MROH2A: variants seen among roughly 807,000 people sequenced by gnomAD.
MROH2A encodes maestro heat like repeat family member 2A.
MROH2A carries 174 observed loss-of-function variants against 200.4 expected under a neutral mutation model. The observed-to-expected ratio is 0.87, with a 90% confidence interval of 0.77 to 0.98. MROH2A has a LOEUF of 0.98. Among genes scored for constraint, MROH2A ranks in the 50% least tolerant of loss-of-function variants. MROH2A has a pLI of 0.00. For missense variants in MROH2A, 2,045 were observed against 2,139.6 expected (o/e 0.96, Z 0.87); for synonymous variants, 829 against 840.4 (o/e 0.99, Z 0.23).
chr2:233,814,498 CCTCCCTGGCATGAA>C, intron 25 of MROH2A, 70 bp from the exon 26 acceptor site: 4 of 910,798 alleles, frequency 4.4e-6, no homozygotes, highest in Non-Finnish European at 6.9e-6. Flanking sequence ...CTGCCAGACC[CCTCCCTGGCATGAA>C]CTCCCTGCAG....
At chr2:233,799,347 TG>T (rs1702312423) in intron 12 of MROH2A, among the ~76,000 whole-genome samples, 1 of 151,990 alleles carries the variant, frequency 6.6e-6, no homozygotes, top group African/African-American at 2.4e-5. Flanking sequence ...AGAGAGGGAA[TG>T]GAGGAGAATG....
rs1251182713 is a variant in MROH2A, at chr2:233,790,916, A to G, written c.571+902A>G. On this transcript the variant is annotated intron_variant, in intron 5 of 41. Coordinates refer to ENST00000389758, the MANE Select transcript of MROH2A (RefSeq NM_001394639.1). ...CCAAATGGGCGTTTGAGATCTGGCT[A>G]AGGGAGGGGACCTCATCTCTGCAGC... 3.9e-5 allele frequency among the ~76,000 whole-genome samples: 6 copies of G among 152,146 alleles called. No individual in the cohort carries two copies. The East Asian group carries it at 1.2e-3, about 29-fold the overall frequency.
chr2:233,799,979 C>A, intron 13 of MROH2A, 80 bp downstream of exon 13: 1 of 1,523,760 alleles, frequency 6.6e-7, no homozygotes, highest in South Asian at 1.2e-5. Context: ...GAATGCCACT[C>A]AGCGTACCTG....
At chr2:233,776,689 C>T (rs1397550740), upstream of MROH2A, among the ~76,000 whole-genome samples, 1 of 152,166 alleles carries the variant, frequency 6.6e-6, no homozygotes, top group Non-Finnish European at 1.5e-5. Flanking sequence ...ATGGCTTACA[C>T]ACTCGACCTG....
chr2:233,819,755 G>C lies in MROH2A; in HGVS notation c.3358-147G>C, dbSNP rs1703806084. 4 of 902,936 alleles carry C rather than the reference G, an allele frequency of 4.4e-6. No homozygotes were observed. In the South Asian group the frequency reaches 5.4e-5, roughly 12 times the overall value. 55.9% of individuals were successfully genotyped at this position (902,936 alleles called of 1,614,324 possible). On this transcript the variant is annotated intron_variant, in intron 30 of 41. Coordinates refer to ENST00000389758, the MANE Select transcript of MROH2A (RefSeq NM_001394639.1). Reference sequence around the variant, plus strand: ...GAAAATGAGTTTGAGGCAGAGACCAGAGGATGCACTAGAGAGGGTGCTGGG... The same window carrying C: ...GAAAATGAGTTTGAGGCAGAGACCACAGGATGCACTAGAGAGGGTGCTGGG...
At chr2:233,789,685 G>A (rs1011681371) in intron 4 of MROH2A, 57 bp downstream of exon 4, 82 of 1,435,400 alleles carry the variant, frequency 5.7e-5, no homozygotes, top group African/African-American at 5.2e-4. Context: ...GCTGGGCCAC[G>A]GGGGGCCTGG....
At chr2:233,785,248 G>A (rs1701144704) in intron 3 of MROH2A, among the ~76,000 whole-genome samples, 1 of 152,088 alleles carries the variant, frequency 6.6e-6, no homozygotes, top group Non-Finnish European at 1.5e-5. Context: ...TGGGTATGGT[G>A]GCTCATGCCA....
intron 11 of MROH2A, among the ~76,000 whole-genome samples, chr2:233,798,182 C>T (rs1702234353): frequency 6.6e-6 from 1 of 152,214 alleles, no homozygotes; most frequent in African/African-American, 2.4e-5. Flanking sequence ...TCTTAAGCTT[C>T]CTGCTTTAGT....
At chr2:233,832,142 C>T (rs1237527776) in intron 39 of MROH2A, 35 bp from the exon 40 acceptor site, 1 of 1,469,430 alleles carries the variant, frequency 6.8e-7, no homozygotes, top group Non-Finnish European at 9.1e-7. Flanking sequence ...AGGGTCTCAT[C>T]CTCCAAAGCT....
chr2:233,814,571 C>T lies in MROH2A; in HGVS notation c.2761-11C>T. On this transcript the variant is annotated splice_polypyrimidine_tract_variant and intron_variant, in intron 25 of 41. Transcript: ENST00000389758. ...CATTGCCGCCTATCTCTCTCTCCCT[C>T]TTGGCTGTAGACCCTGTATGCAAAT... 1 of 1,547,956 alleles carries T rather than the reference C, an allele frequency of 6.5e-7. No individual in the cohort carries two copies. The highest frequency in any genetic ancestry group is 1.4e-5 in the African/African-American group (1 of 73,098).
At chr2:233,782,814 G>A (rs763467329) in intron 3 of MROH2A, among the ~76,000 whole-genome samples, 6 of 152,114 alleles carry the variant, frequency 3.9e-5, no homozygotes, top group Non-Finnish European at 8.8e-5. Flanking sequence ...CAAGGCTTTC[G>A]ATTTCTTCCA....
chr2:233,809,016 C>A, intron 21 of MROH2A, 110 bp from the exon 22 acceptor site: 1 of 1,224,810 alleles, frequency 8.2e-7, no homozygotes, highest in Non-Finnish European at 1.1e-6. Context: ...TCAGGTGAAG[C>A]ACCGCCAGCT....
chr2:233,820,472 C>G lies in MROH2A; in HGVS notation c.3512+416C>G, dbSNP rs1468783611. 2.6e-5 allele frequency among the ~76,000 whole-genome samples: 4 copies of G among 152,230 alleles called. No homozygotes were observed. Among genetic ancestry groups the G allele is most frequent in the Non-Finnish European group, 5.9e-5 (4 of 68,036 alleles). ...AAATGTGTCCTAAGAGGGGAAGCGA[C>G]TTGTCCCAGTCTCCAAGGGGAGAAT... On this transcript the variant is annotated intron_variant, in intron 31 of 41. Coordinates refer to ENST00000389758, the MANE Select transcript of MROH2A (RefSeq NM_001394639.1). This position sits in a 1 kb window ranked among gnomAD's most constrained non-coding sequence, Gnocchi z 4.1.
At chr2:233,827,668 A>T (rs901011507) in intron 35 of MROH2A, among the ~76,000 whole-genome samples, 10 of 152,142 alleles carry the variant, frequency 6.6e-5, no homozygotes, top group African/African-American at 2.4e-4. Context: ...AACCACTATG[A>T]CACACGTCTA....
chr2:233,821,688 T>C (rs1012484111), intron 31 of MROH2A, among the ~76,000 whole-genome samples: 6 of 152,188 alleles, frequency 3.9e-5, no homozygotes, highest in Non-Finnish European at 7.3e-5. Flanking sequence ...CAAGCCTCAC[T>C]TCCCTCTTCT....
At chr2:233,790,219 TC>T (rs1384161180) in intron 5 of MROH2A, among the ~76,000 whole-genome samples, 3 of 152,102 alleles carry the variant, frequency 2.0e-5, no homozygotes, top group Admixed American at 6.5e-5. Context: ...TCATCCTTCT[TC>T]CCCCTCTCTC....
At chr2:233,803,378 A>G (rs1469064245) in intron 15 of MROH2A, 70 bp from the exon 16 acceptor site, 3 of 1,514,824 alleles carry the variant, frequency 2.0e-6, no homozygotes, top group African/African-American at 2.8e-5. Context: ...AAGTTCCTAG[A>G]TGGGGACATA....
intron 35 of MROH2A, among the ~76,000 whole-genome samples, chr2:233,825,463 A>G (rs113609837): frequency 6.6e-6 from 1 of 152,202 alleles, no homozygotes; most frequent in African/African-American, 2.4e-5. Context: ...TGGGTTTGTC[A>G]TAAATGGCTC....
Position 233,810,926 on chromosome 2 carries a change from G to T in MROH2A, c.2571+10G>T. The stretch of plus-strand genomic sequence containing the variant: ...TACCAGCATTATAGTGGTAAGCTGG[G>T]TGGGGCACCTCCTTGGTCCTGTTCC... On this transcript the variant is annotated intron_variant, in intron 23 of 41. Transcript: ENST00000389758. 6.5e-7 allele frequency: 1 copy of T among 1,549,544 alleles called. No homozygotes were observed. Among genetic ancestry groups the T allele is most frequent in the East Asian group, 2.4e-5 (1 of 40,908 alleles).
Sources: allele counts gnomAD v4.1 joint callset (sites outside exome capture counted in the v4.1 genomes callset), GRCh38; gene constraint gnomAD v4.1.1; non-coding constraint Gnocchi (gnomAD v3.1); transcripts MANE v1.5; gene names NCBI Gene and HGNC (gene_info 2026-07-23, HGNC 2026-07-21).